Variants in SLC12A5 observed in about 807,000 individuals in gnomAD.
SLC12A5 encodes K-Cl cotransporter 2.
SLC12A5 carries 18 observed loss-of-function variants against 124.0 expected under a neutral mutation model. The observed-to-expected ratio is 0.15, with a 90% CI of 0.10 to 0.22. The LOEUF is 0.22. Ranked by LOEUF, SLC12A5 falls within the 10% of genes least tolerant of loss-of-function variation. The probability of loss-of-function intolerance (pLI) is 1.00; values close to 1 mark genes in which losing one functional copy is unlikely to be tolerated. For synonymous variants in SLC12A5, 589 were observed against 568.0 expected, an observed-to-expected ratio of 1.04 and a Z score of -0.53; for missense variants, 867 against 1,478.7, an observed-to-expected ratio of 0.59 and a Z score of 6.78.
rs1333678805 is a variant in SLC12A5 at position 46,049,786 on chromosome 20, A to G, written c.2177A>G (p.Glu726Gly). The stretch of plus-strand genomic sequence containing the variant: ...AATCATCCACAGGCCCAGCGGGCAG[A>G]AGAGGTGAGCAGAGGCCCTGGTTGG... ...LENHPQAQRA[E>G]ESIRRLMEAE... Residue 726 changes from glutamate (E) to glycine (G), a missense_variant, in exon 17 of 26, where the codon GAA (glutamate) becomes GGA (glycine). Physicochemically the swap from Glu to Gly is moderately conservative, Grantham distance 98. Around this residue, in one of 9 missense-constraint regions of SLC12A5, gnomAD observed 110 missense variants for 149.9 expected, o/e 0.73. Coordinates refer to ENST00000243964, the MANE Select transcript of SLC12A5 (RefSeq NM_020708.5). The G allele has an allele frequency of 1.3e-6, 2 of 1,593,018 alleles. No individual in the cohort carries two copies. The highest frequency in any genetic ancestry group is 1.7e-6 in the Non-Finnish European group (2 of 1,170,160).
At chr20:46,039,592 C>T (rs1296777638) in intron 6 of SLC12A5, among the ~76,000 whole-genome samples, 4 of 151,910 alleles carry the variant, frequency 2.6e-5, no homozygotes, top group Admixed American at 6.6e-5. Context: ...CTGACTGATA[C>T]GGTGAAACCC....
At chr20:46,022,435 G>A (rs2084363783) in intron 1 of SLC12A5, among the ~76,000 whole-genome samples, 1 of 146,194 alleles carries the variant, frequency 6.8e-6, no homozygotes, top group African/African-American at 2.5e-5. Context: ...GGTCGAGGGC[G>A]GGAGGAAAAC....
chr20:46,053,803 A>T lies in SLC12A5; in HGVS notation c.2679+94A>T. On this transcript the variant is annotated intron_variant, in intron 20 of 25. Transcript: ENST00000243964. The surrounding 1 kb of genome is among the most constrained non-coding windows in gnomAD (Gnocchi z 4.7). ...GGGCAACTCTAACACCCATCAGCTT[A>T]TGATGCTGGATCCTTTCCCCCTCAT... The T allele has an allele frequency of 7.5e-7, 1 of 1,326,980 alleles. No individual in the cohort carries two copies. Among genetic ancestry groups the T allele is most frequent in the East Asian group, 2.5e-5 (1 of 39,584 alleles). The allele number at this position is 1,326,980 out of a possible 1,614,324, so 82.2% of individuals were successfully genotyped here. A position where few individuals can be genotyped will look rare whatever the true frequency, so the allele number is the denominator to read the frequency against.
chr20:46,054,271 C>T (rs1270847296), intron 20 of SLC12A5, among the ~76,000 whole-genome samples: 1 of 152,190 alleles, frequency 6.6e-6, no homozygotes, highest in Non-Finnish European at 1.5e-5. Flanking sequence ...AAAAATACAG[C>T]AAAAATACAG....
chr20:46,021,699 A>G, upstream of SLC12A5: 1 of 1,519,866 alleles, frequency 6.6e-7, no homozygotes, highest in Non-Finnish European at 8.8e-7. Context: ...TCTCCCTCCT[A>G]GAGCCTGGTT....
In SLC12A5 at chr20:46,058,365, C is replaced by A. The variant is rs886235490; in HGVS notation, c.*760C>A. On this transcript the variant is annotated 3_prime_UTR_variant, in exon 26 of 26. Transcript: ENST00000243964. The surrounding 1 kb of genome is among the most constrained non-coding windows in gnomAD (Gnocchi z 5.8). Reference sequence around the variant, plus strand: ...TGCTCTCGCCTCTTCGCCCTTTCCGCGCGCCCTTGGCTTCCCACCCTCCTC... The same window carrying A: ...TGCTCTCGCCTCTTCGCCCTTTCCGAGCGCCCTTGGCTTCCCACCCTCCTC... 3 of 398,040 alleles carry A rather than the reference C, an allele frequency of 7.5e-6. No individual in the cohort carries two copies. The highest frequency in any genetic ancestry group is 6.2e-5 in the African/African-American group (3 of 48,628). 24.7% of individuals were successfully genotyped at this position (398,040 alleles called of 1,614,324 possible).
rs2084721518 is a variant in SLC12A5 at position 46,058,756 on chromosome 20, T to C, written c.*1151T>C. ...ACAAGTGAGGGAGGAGGGGGCCGATTCTGGTTTAGGGGCCGGACCCACTGA... is the reference window on the plus strand; with the variant it reads ...ACAAGTGAGGGAGGAGGGGGCCGATCCTGGTTTAGGGGCCGGACCCACTGA... On this transcript the variant is annotated 3_prime_UTR_variant, in exon 26 of 26. Transcript: ENST00000243964. The surrounding 1 kb of genome is among the most constrained non-coding windows in gnomAD (Gnocchi z 5.8). 2.5e-6 allele frequency: 1 copy of C among 398,608 alleles called. No homozygotes were observed. Among genetic ancestry groups the C allele is most frequent in the South Asian group, 1.3e-4 (1 of 7,816 alleles). The allele number at this position is 398,608 out of a possible 1,614,324, so 24.7% of individuals were successfully genotyped here.
chr20:46,026,909 A>G (rs1322910719), upstream of SLC12A5, among the ~76,000 whole-genome samples: 2 of 152,224 alleles, frequency 1.3e-5, no homozygotes, highest in Non-Finnish European at 2.9e-5. Context: ...AGGTTTCCCC[A>G]TGCATGGGCT....
At chr20:46,032,531 A>T (rs1012766078) in intron 1 of SLC12A5, among the ~76,000 whole-genome samples, 35 of 152,138 alleles carry the variant, frequency 2.3e-4, no homozygotes, top group African/African-American at 8.4e-4. Context: ...CAATAGCCAC[A>T]CTCGTGGCGG....
rs1269302736 is a variant in SLC12A5, at chr20:46,059,436, A to G, written c.*1831A>G. ...ACTCAATCAGGAAGCTGGAGGTGTTAGACACCAGCCCCCTGCATCCTTCAG... is the reference window on the plus strand; with the variant it reads ...ACTCAATCAGGAAGCTGGAGGTGTTGGACACCAGCCCCCTGCATCCTTCAG... On this transcript the variant is annotated 3_prime_UTR_variant, in exon 26 of 26. Transcript: ENST00000243964. 5.0e-6 allele frequency: 2 copies of G among 397,404 alleles called. No homozygotes were observed. The highest frequency in any genetic ancestry group is 8.9e-6 in the Non-Finnish European group (2 of 225,594). The allele number at this position is 397,404 out of a possible 1,614,324, so 24.6% of individuals were successfully genotyped here.
At chr20:46,036,151 A>ACAG in intron 4 of SLC12A5, 1 of 480,550 alleles carries the variant, frequency 2.1e-6, no homozygotes, top group Non-Finnish European at 3.6e-6. Context: ...GTAATTACAC[A>ACAG]AGTGATGCAG....
chr20:46,034,642 G>T (rs1028923318), intron 1 of SLC12A5, among the ~76,000 whole-genome samples: 1 of 152,052 alleles, frequency 6.6e-6, no homozygotes, highest in Admixed American at 6.5e-5. Flanking sequence ...CCCAAACACC[G>T]GTATGAGCCC....
chr20:46,026,827 G>A (rs1380308079), upstream of SLC12A5, among the ~76,000 whole-genome samples: 1 of 152,172 alleles, frequency 6.6e-6, no homozygotes, highest in Non-Finnish European at 1.5e-5. Flanking sequence ...GGGAACTCTA[G>A]TGAAGGTGGA....
intron 6 of SLC12A5, among the ~76,000 whole-genome samples, chr20:46,038,590 C>CA (rs1323591810): frequency 1.3e-5 from 2 of 152,298 alleles, no homozygotes; most frequent in East Asian, 3.9e-4. Flanking sequence ...GAGCCTTACA[C>CA]AAGTGATGCA....
rs1568867775 is a variant in SLC12A5 at position 46,053,559 on chromosome 20, TC to T, written c.2548-15del. 3 of 1,612,996 alleles carry T rather than the reference TC, an allele frequency of 1.9e-6. No homozygotes were observed. The highest frequency in any genetic ancestry group is 2.5e-6 in the Non-Finnish European group (3 of 1,179,468). ...CACATCTGGGCTGGACCTTTCTGAATCCCCTTCATCGCCTGCAGGTCTGGCG... is the reference window on the plus strand; with the variant it reads ...CACATCTGGGCTGGACCTTTCTGAATCCCTTCATCGCCTGCAGGTCTGGCG... On this transcript the variant is annotated intron_variant, in intron 19 of 25. Coordinates refer to ENST00000243964, the MANE Select transcript of SLC12A5 (RefSeq NM_020708.5). The surrounding 1 kb of genome is among the most constrained non-coding windows in gnomAD (Gnocchi z 4.7).
chr20:46,024,981 G>A (rs568726078), upstream of SLC12A5, among the ~76,000 whole-genome samples: 2 of 152,338 alleles, frequency 1.3e-5, no homozygotes, highest in East Asian at 3.9e-4. Context: ...CCCCATGGAG[G>A]GAGAGGGAGC....
intron 6 of SLC12A5, among the ~76,000 whole-genome samples, chr20:46,039,324 T>G (rs968670951): frequency 6.6e-6 from 1 of 152,260 alleles, no homozygotes; most frequent in Admixed American, 6.5e-5. Flanking sequence ...AACATTTTGA[T>G]GTACTTATGA....
Position 46,041,353 on chromosome 20 carries a change from G to C in SLC12A5, c.879G>C (p.Thr293=), listed in dbSNP as rs138406290. 2 of 1,614,074 alleles carry C rather than the reference G, an allele frequency of 1.2e-6. No homozygotes were observed. Among genetic ancestry groups the C allele is most frequent in the Non-Finnish European group, 1.7e-6 (2 of 1,179,990 alleles). The change falls in exon 8 of 26, where the codon ACG becomes ACC. Residue 293 remains threonine, a synonymous_variant. Transcript: ENST00000243964. ...GGATCTGCCTCCTGGGTAACCGCAC[G>C]CTGTCTCGCCATGGCTTTGATGTCT... is the stretch of plus-strand genomic sequence containing the variant. ...NFPICLLGNR[T]LSRHGFDVCA...
chr20:46,056,493 G>A lies in SLC12A5; in HGVS notation c.3039G>A (p.Ser1013=), dbSNP rs748124404. 3.7e-6 allele frequency: 6 copies of A among 1,614,158 alleles called. No homozygotes were observed. The highest frequency in any genetic ancestry group is 1.7e-5 in the Admixed American group (1 of 60,030). Residue 1013 remains serine, a synonymous_variant, in exon 23 of 26, where the codon TCG becomes TCA. Coordinates refer to ENST00000243964, the MANE Select transcript of SLC12A5 (RefSeq NM_020708.5). The surrounding 1 kb of genome is among the most constrained non-coding windows in gnomAD (Gnocchi z 4.3). ...KVHLTWTKDK[S]VAEKNKGPSP... is the part of the protein sequence containing the mutation. The stretch of plus-strand genomic sequence containing the variant: ...ATCTCACCTGGACCAAGGACAAGTC[G>A]GTGGCAGAGAAGAATAAGGGCCCCA...
Sources: allele counts gnomAD v4.1 joint callset (sites outside exome capture counted in the v4.1 genomes callset), GRCh38; gene constraint gnomAD v4.1.1; regional missense constraint gnomAD v4.1.1; non-coding constraint Gnocchi (gnomAD v3.1); transcripts MANE v1.5; gene names NCBI Gene and HGNC (gene_info 2026-07-23, HGNC 2026-07-21).